The following HMBOX1 variants were observed in gnomAD, a reference collection of about 807,000 sequenced individuals.
HMBOX1 encodes homeobox containing 1.
A neutral mutation model predicts 54.5 loss-of-function variants in HMBOX1; 14 were observed. That is an observed-to-expected ratio of 0.26 (90% CI 0.17 to 0.40). The LOEUF is 0.40. Ranked by LOEUF, HMBOX1 falls within the 10% of genes least tolerant of loss-of-function variation. HMBOX1 has a pLI of 1.00. For missense variants in HMBOX1, 332 were observed against 514.4 expected, an observed-to-expected ratio of 0.65 and a Z score of 3.43; for synonymous variants, 160 against 181.0, an observed-to-expected ratio of 0.88 and a Z score of 0.93.
rs1827193891 is a variant in HMBOX1, at chr8:28,970,458, T to A, written c.439T>A (p.Tyr147Asn). ...YHANSMGQRS[Y>N]SFEASEEDLD... ...TGCAAACAGCATGGGTCAGAGGTCA[T>A]ACAGTTTTGAAGCCTCAGAAGAGGA... The change falls in exon 3 of 10, where the codon TAC becomes AAC. Residue 147 changes from tyrosine to asparagine, a missense_variant. This residue lies in a region of HMBOX1 where 117 missense variants were observed against 220.0 expected (regional missense o/e 0.53). Transcript: ENST00000287701. The surrounding 1 kb of genome is among the most constrained non-coding windows in gnomAD (Gnocchi z 4.3). The A allele has an allele frequency of 6.2e-7, 1 of 1,613,878 alleles. No homozygotes were observed. The highest frequency in any genetic ancestry group is 2.2e-5 in the East Asian group (1 of 44,882).
chr8:28,979,959 T>G, intron 3 of HMBOX1, 112 bp from the exon 4 acceptor site: 1 of 782,750 alleles, frequency 1.3e-6, no homozygotes. Flanking sequence ...TACCCTTTAT[T>G]TTTGTGTCCT....
Position 28,970,121 on chromosome 8 carries a change from G to A in HMBOX1, c.102G>A (p.Arg34=). Reference sequence around the variant, plus strand: ...AGATAGATCTGCTTCAGCGACTTCGGCGTACTGGAATGACTAAACATGAAA... The same window carrying A: ...AGATAGATCTGCTTCAGCGACTTCGACGTACTGGAATGACTAAACATGAAA... ...IEQIDLLQRL[R]RTGMTKHEIL... The change falls in exon 3 of 10, where the codon CGG becomes CGA. Residue 34 remains arginine, a synonymous_variant. Transcript: ENST00000287701. The surrounding 1 kb of genome is among the most constrained non-coding windows in gnomAD (Gnocchi z 4.3). 3 of 1,614,044 alleles carry A rather than the reference G, an allele frequency of 1.9e-6. No homozygotes were observed. Among genetic ancestry groups the A allele is most frequent in the South Asian group, 1.1e-5 (1 of 91,076 alleles).
intron 1 of HMBOX1, among the ~76,000 whole-genome samples, chr8:28,956,697 T>C (rs1824520401): frequency 6.6e-6 from 1 of 152,222 alleles, no homozygotes; most frequent in African/African-American, 2.4e-5. Flanking sequence ...CAGTGCCATA[T>C]TGATTTCATT....
At chr8:29,025,776 A>G (rs1331185571) in intron 6 of HMBOX1, among the ~76,000 whole-genome samples, 8 of 152,168 alleles carry the variant, frequency 5.3e-5, no homozygotes, top group Non-Finnish European at 1.2e-4. Context: ...GTGGCTGGAG[A>G]AAAACTTAAA....
At chr8:28,994,455 A>G (rs1831490215) in intron 4 of HMBOX1, among the ~76,000 whole-genome samples, 1 of 152,190 alleles carries the variant, frequency 6.6e-6, no homozygotes, top group Admixed American at 6.5e-5. Flanking sequence ...CAGAATCAAA[A>G]ATCAGTTTTC....
At chr8:29,005,171 G>T (rs1248640282) in intron 4 of HMBOX1, among the ~76,000 whole-genome samples, 1 of 152,118 alleles carries the variant, frequency 6.6e-6, no homozygotes, top group African/African-American at 2.4e-5. Context: ...GAAAATTGTG[G>T]AACAACATGT....
At chr8:29,007,834 C>T (rs1386554845) in intron 4 of HMBOX1, among the ~76,000 whole-genome samples, 1 of 152,090 alleles carries the variant, frequency 6.6e-6, no homozygotes, top group African/African-American at 2.4e-5. Flanking sequence ...AAGATGTTTC[C>T]AGTCAGAGAA....
At chr8:28,907,271 T>C (rs370930464) in intron 1 of HMBOX1, among the ~76,000 whole-genome samples, 1 of 152,308 alleles carries the variant, frequency 6.6e-6, no homozygotes, top group African/African-American at 2.4e-5. Flanking sequence ...ATCACTTGTG[T>C]CCAATAGGGA....
At position 28,955,021 on chromosome 8, in the gene HMBOX1, A is replaced by G. The variant is rs113728384; in HGVS notation, c.-57-8790A>G. On this transcript the variant is annotated intron_variant, in intron 1 of 9. Transcript: ENST00000287701. Reference sequence around the variant, plus strand: ...TGATTATGTTTTTCTTCAGAGGTCAACATTGCTGATGGTAGGCGTCTTCAT... The same window carrying G: ...TGATTATGTTTTTCTTCAGAGGTCAGCATTGCTGATGGTAGGCGTCTTCAT... Among the ~76,000 whole-genome samples, 35 of 152,288 alleles carry G rather than the reference A, an allele frequency of 2.3e-4. 1 individual carries two copies. The highest frequency in any genetic ancestry group is 5.9e-4 in the Admixed American group (9 of 15,296).
intron 6 of HMBOX1, among the ~76,000 whole-genome samples, chr8:29,024,547 G>C (rs1801722439): frequency 6.6e-6 from 1 of 151,780 alleles, no homozygotes; most frequent in Non-Finnish European, 1.5e-5. Context: ...CATATAATCA[G>C]GGGGAAATAA....
intron 5 of HMBOX1, among the ~76,000 whole-genome samples, chr8:29,011,559 T>C (rs999984427): frequency 6.6e-6 from 1 of 152,178 alleles, no homozygotes; most frequent in Non-Finnish European, 1.5e-5. Context: ...GGGGCTGGGC[T>C]CTAGTCCAGC....
chr8:28,939,294 A>G (rs1820933588), intron 1 of HMBOX1, among the ~76,000 whole-genome samples: 1 of 152,084 alleles, frequency 6.6e-6, no homozygotes, highest in African/African-American at 2.4e-5. Flanking sequence ...CGTCTAAAAA[A>G]AAAAAAAAGA....
At chr8:28,969,058 A>G (rs1428329674) in intron 2 of HMBOX1, among the ~76,000 whole-genome samples, 1 of 152,160 alleles carries the variant, frequency 6.6e-6, no homozygotes, top group Non-Finnish European at 1.5e-5. Context: ...CTGTAATCCC[A>G]GCTACTCAGG....
chr8:29,008,133 T>C (rs1455737614), intron 4 of HMBOX1, among the ~76,000 whole-genome samples: 1 of 152,180 alleles, frequency 6.6e-6, no homozygotes, highest in Non-Finnish European at 1.5e-5. Context: ...TAGGTAACCT[T>C]CTCTGGTAGC....
intron 4 of HMBOX1, among the ~76,000 whole-genome samples, chr8:29,001,482 A>G (rs1832635925): frequency 6.6e-6 from 1 of 152,138 alleles, no homozygotes; most frequent in African/African-American, 2.4e-5. Flanking sequence ...CCTGGGAGGC[A>G]GAGGTTGCAG....
chr8:28,994,785 A>G (rs1376437882), intron 4 of HMBOX1, among the ~76,000 whole-genome samples: 1 of 152,218 alleles, frequency 6.6e-6, no homozygotes, highest in African/African-American at 2.4e-5. Flanking sequence ...ACCTAATAAA[A>G]AATTTGCAAG....
At chr8:28,990,617 T>G (rs1830836977) in intron 4 of HMBOX1, among the ~76,000 whole-genome samples, 1 of 152,116 alleles carries the variant, frequency 6.6e-6, no homozygotes, top group South Asian at 2.1e-4. Context: ...TTACTTCCTG[T>G]GTTCTTTCTA....
intron 6 of HMBOX1, among the ~76,000 whole-genome samples, chr8:29,028,230 C>T (rs981335833): frequency 6.6e-6 from 1 of 152,146 alleles, no homozygotes; most frequent in African/African-American, 2.4e-5. Flanking sequence ...AATAGCATCA[C>T]AACCACAATA....
At chr8:29,039,462 C>T (rs1563631841) in intron 6 of HMBOX1, among the ~76,000 whole-genome samples, 1 of 152,090 alleles carries the variant, frequency 6.6e-6, no homozygotes, top group South Asian at 2.1e-4. Flanking sequence ...ATGGTGAAAT[C>T]CTCACTTTCT....
Sources: gnomAD v4.1 joint callset for allele counts (sites outside exome capture counted in the v4.1 genomes callset) on GRCh38, gnomAD v4.1.1 for gene constraint, gnomAD v4.1.1 regional missense constraint, Gnocchi (gnomAD v3.1) non-coding constraint, MANE v1.5 for transcripts, NCBI Gene and HGNC (gene_info 2026-07-23, HGNC 2026-07-21) for gene names.